CSNK2A2IP: variants seen among roughly 807,000 people sequenced by gnomAD.
CSNK2A2IP encodes casein kinase II subunit alpha'-interacting protein.
At chr3:88,447,734 T>G in the CSNK2A2IP span, among the ~76,000 whole-genome samples, 13 of 152,278 alleles carry the variant, frequency 8.5e-5, no homozygotes, top group South Asian at 2.7e-3. Flanking sequence ...CTCGATGATA[T>G]ATTTTTCTTT....
chr3:88,355,196 G>A, the CSNK2A2IP span, among the ~76,000 whole-genome samples: 1 of 152,152 alleles, frequency 6.6e-6, no homozygotes, highest in African/African-American at 2.4e-5. Context: ...AGAAATAAAT[G>A]AGAAAGGGTG....
chr3:88,412,881 C>T, the CSNK2A2IP span, among the ~76,000 whole-genome samples: 50 of 152,048 alleles, frequency 3.3e-4, no homozygotes, highest in African/African-American at 1.1e-3. Context: ...TTTTTTGGAA[C>T]CACAGTTATA....
At chr3:88,387,320 G>A in the CSNK2A2IP span, among the ~76,000 whole-genome samples, 2 of 151,906 alleles carry the variant, frequency 1.3e-5, no homozygotes, top group East Asian at 3.9e-4. Context: ...ACAGGCATGT[G>A]CCACCACACC....
the CSNK2A2IP span, among the ~76,000 whole-genome samples, chr3:88,342,746 A>T: frequency 6.6e-6 from 1 of 151,772 alleles, no homozygotes; most frequent in Non-Finnish European, 1.5e-5. Context: ...CTGTATATAC[A>T]TGACTCTACC....
chr3:88,465,482 C>T, the CSNK2A2IP span: 1 of 1,231,664 alleles, frequency 8.1e-7, no homozygotes, highest in Non-Finnish European at 1.0e-6. Flanking sequence ...AATAACCAAC[C>T]TATGGCCAAA....
the CSNK2A2IP span, among the ~76,000 whole-genome samples, chr3:88,354,214 A>G: frequency 1.3e-5 from 2 of 152,188 alleles, no homozygotes; most frequent in Admixed American, 6.5e-5. Context: ...TTCTTTATAA[A>G]TACCCAGCCT....
chr3:88,466,340 T>C, the CSNK2A2IP span: 1,453 of 1,231,798 alleles, frequency 1.2e-3, 14 homozygotes, highest in African/African-American at 0.021. Context: ...ATGTTTATGC[T>C]TGATTGTAAC....
At chr3:88,366,738 T>A in the CSNK2A2IP span, among the ~76,000 whole-genome samples, 1 of 152,004 alleles carries the variant, frequency 6.6e-6, no homozygotes, top group East Asian at 1.9e-4. Context: ...GACAAGGAAA[T>A]CTTTCTTAAA....
the CSNK2A2IP span, among the ~76,000 whole-genome samples, chr3:88,455,347 TC>T: frequency 6.6e-6 from 1 of 151,936 alleles, no homozygotes; most frequent in South Asian, 2.1e-4. Flanking sequence ...GGTTCTTTTT[TC>T]CCCACATCCT....
the CSNK2A2IP span, among the ~76,000 whole-genome samples, chr3:88,371,839 G>A: frequency 6.6e-6 from 1 of 151,680 alleles, no homozygotes; most frequent in Admixed American, 6.6e-5. Context: ...AGGGGACTAT[G>A]ATAAAATTAT....
chr3:88,358,181 G>GTCA, the CSNK2A2IP span, among the ~76,000 whole-genome samples: 12 of 152,048 alleles, frequency 7.9e-5, no homozygotes, highest in Non-Finnish European at 1.2e-4. Flanking sequence ...TTTGTATGTT[G>GTCA]ACTTTGTATC....
At chr3:88,358,262 T>G in the CSNK2A2IP span, among the ~76,000 whole-genome samples, 1 of 142,166 alleles carries the variant, frequency 7.0e-6, no homozygotes, top group African/African-American at 2.5e-5. Flanking sequence ...TTTCAAAATA[T>G]AAAATCATAT....
chr3:88,379,687 G>T, the CSNK2A2IP span, among the ~76,000 whole-genome samples: 1 of 152,022 alleles, frequency 6.6e-6, no homozygotes, highest in South Asian at 2.1e-4. Context: ...AGGGGAAAAG[G>T]TCATATGTGA....
chr3:88,414,427 C>T, the CSNK2A2IP span, among the ~76,000 whole-genome samples: 3 of 150,956 alleles, frequency 2.0e-5, no homozygotes, highest in East Asian at 1.9e-4. Context: ...GGACTACAGG[C>T]GTGCCCCAAC....
the CSNK2A2IP span, among the ~76,000 whole-genome samples, chr3:88,400,816 A>G: frequency 6.6e-6 from 1 of 152,228 alleles, no homozygotes; most frequent in South Asian, 2.1e-4. Flanking sequence ...CTAAGACACT[A>G]AATTTGTGGC....
chr3:88,421,441 G>A, the CSNK2A2IP span, among the ~76,000 whole-genome samples: 5 of 152,056 alleles, frequency 3.3e-5, no homozygotes, highest in African/African-American at 1.2e-4. Context: ...ATTTGAGATG[G>A]AGTCTCACTC....
the CSNK2A2IP span, among the ~76,000 whole-genome samples, chr3:88,383,023 T>G: frequency 6.6e-6 from 1 of 152,182 alleles, no homozygotes; most frequent in African/African-American, 2.4e-5. Flanking sequence ...CAGTTTACAC[T>G]GTAGGCCAAC....
At chr3:88,375,508 G>T in the CSNK2A2IP span, among the ~76,000 whole-genome samples, 1 of 151,648 alleles carries the variant, frequency 6.6e-6, no homozygotes, top group Admixed American at 6.6e-5. Context: ...ATTTGTGATA[G>T]GTCTGTCAGT....
the CSNK2A2IP span, among the ~76,000 whole-genome samples, chr3:88,392,742 G>GA: frequency 1.3e-5 from 2 of 152,254 alleles, no homozygotes; most frequent in East Asian, 3.9e-4. Context: ...TGATGGACTG[G>GA]AAAAAAGAGC....
Sources: gnomAD v4.1 joint callset for allele counts (sites outside exome capture counted in the v4.1 genomes callset) on GRCh38, gnomAD v4.1.1 for gene constraint, MANE v1.5 for transcripts, NCBI Gene and HGNC (gene_info 2026-07-23, HGNC 2026-07-21) for gene names.